Variants in MIPEP observed in about 807,000 individuals in gnomAD.
The protein encoded by MIPEP is mitochondrial intermediate peptidase.
Under a neutral mutation model 90.3 loss-of-function variants are expected in MIPEP, and 79 were observed. The ratio of observed to expected loss-of-function variants is 0.87; its 90% CI spans 0.73 to 1.05. The LOEUF is 1.05. Among genes scored for constraint, MIPEP ranks in the 50% least tolerant of loss-of-function variants. The pLI is 0.00. For synonymous variants in MIPEP, 334 were observed against 315.8 expected (o/e 1.06, Z -0.61); for missense variants, 940 against 905.6 (o/e 1.04, Z -0.49).
chr13:23,791,455 C>G (rs544346000), intron 16 of MIPEP, among the ~76,000 whole-genome samples: 1 of 152,156 alleles, frequency 6.6e-6, no homozygotes, highest in Non-Finnish European at 1.5e-5. Flanking sequence ...GCCCTGCTTC[C>G]GATTGACTGA....
At chr13:23,802,940 G>A (rs1415259608) in intron 16 of MIPEP, among the ~76,000 whole-genome samples, 3 of 152,290 alleles carry the variant, frequency 2.0e-5, no homozygotes, top group African/African-American at 7.2e-5. Context: ...ATGACATTCA[G>A]CAGTGTAGGG....
chr13:23,823,233 G>C (rs760776289), intron 14 of MIPEP, among the ~76,000 whole-genome samples: 19 of 152,248 alleles, frequency 1.2e-4, no homozygotes, highest in Non-Finnish European at 2.5e-4. Context: ...GCATCCTGCT[G>C]TTGCTACTCT....
intron 16 of MIPEP, among the ~76,000 whole-genome samples, chr13:23,781,696 T>C (rs1952783950): frequency 6.6e-6 from 1 of 152,130 alleles, no homozygotes. Flanking sequence ...CAGTGTGCTG[T>C]ATTCAGGAAA....
At chr13:23,751,524 T>C (rs894666552) in intron 18 of MIPEP, among the ~76,000 whole-genome samples, 2 of 152,264 alleles carry the variant, frequency 1.3e-5, no homozygotes, top group East Asian at 3.8e-4. Flanking sequence ...GTATCTCTAC[T>C]TGCATACTGC....
At chr13:23,870,277 CAA>C in intron 5 of MIPEP, 82 bp from the exon 6 acceptor site, 1 of 856,052 alleles carries the variant, frequency 1.2e-6, no homozygotes. Context: ...ATAAATATGT[CAA>C]ATCAACATAT....
chr13:23,740,360 T>C (rs999478775), intron 18 of MIPEP, among the ~76,000 whole-genome samples: 2 of 151,686 alleles, frequency 1.3e-5, no homozygotes, highest in African/African-American at 2.4e-5. Context: ...ACACACCCTC[T>C]CCTCTGCCAA....
At chr13:23,840,513 A>G (rs1593184239) in intron 11 of MIPEP, among the ~76,000 whole-genome samples, 1 of 152,192 alleles carries the variant, frequency 6.6e-6, no homozygotes, top group East Asian at 1.9e-4. Context: ...TCTTTTTATT[A>G]TATCTCAGCA....
intron 9 of MIPEP, among the ~76,000 whole-genome samples, chr13:23,860,812 G>C (rs17339485): frequency 0.11 from 16,276 of 149,154 alleles, 992 homozygotes; most frequent in Non-Finnish European, 0.14. Context: ...AACCAGTTAG[G>C]CAATCCCAGT....
chr13:23,797,529 C>T (rs1246494011), intron 16 of MIPEP, among the ~76,000 whole-genome samples: 1 of 152,164 alleles, frequency 6.6e-6, no homozygotes, highest in Non-Finnish European at 1.5e-5. Context: ...TTTATCACCA[C>T]CTCCCAAACT....
At chr13:23,795,270 GGA>G (rs1427993242) in intron 16 of MIPEP, among the ~76,000 whole-genome samples, 1 of 152,042 alleles carries the variant, frequency 6.6e-6, no homozygotes, top group Admixed American at 6.5e-5. Context: ...TGAATACTCT[GGA>G]GAGAGAGCAG....
At chr13:23,738,016 T>C (rs1952283839) in intron 18 of MIPEP, among the ~76,000 whole-genome samples, 1 of 152,120 alleles carries the variant, frequency 6.6e-6, no homozygotes, top group African/African-American at 2.4e-5. Context: ...CTGAGTATGA[T>C]CCAAATTTAA....
In MIPEP at chr13:23,870,910, G is replaced by A. The variant is rs375123702; in HGVS notation, c.604-715C>T. Among the ~76,000 whole-genome samples, 28 of 152,342 alleles carry A rather than the reference G, an allele frequency of 1.8e-4. No individual in the cohort carries two copies. In the South Asian group the frequency reaches 3.3e-3, roughly 18 times the overall value. ...TCTGATTTTGGGTGTGGTAGCACAC[G>A]CCTGCAGTCCCAGCCCTATGTGGGG... On this transcript the variant is annotated intron_variant, in intron 5 of 18. Transcript: ENST00000382172.
rs540284024 is a variant in MIPEP, at chr13:23,886,309, C to G, written c.363+24G>C. 39 of 1,432,146 alleles carry G rather than the reference C, an allele frequency of 2.7e-5. No homozygotes were observed. In the South Asian group the frequency reaches 6.0e-4, roughly 22 times the overall value. 88.7% of individuals were successfully genotyped at this position (1,432,146 alleles called of 1,614,324 possible). A position where few individuals can be genotyped will look rare whatever the true frequency, so the allele number is the denominator to read the frequency against. Reference sequence around the variant, plus strand: ...TAACAAGTTGAAAGAGAGGTAGCTTCAAGTCTGAGGTAAAGCACCTTACCA... The same window carrying G: ...TAACAAGTTGAAAGAGAGGTAGCTTGAAGTCTGAGGTAAAGCACCTTACCA... On this transcript the variant is annotated intron_variant, in intron 2 of 18. Transcript: ENST00000382172.
intron 16 of MIPEP, among the ~76,000 whole-genome samples, chr13:23,783,060 T>C (rs2137364257): frequency 6.6e-6 from 1 of 152,282 alleles, no homozygotes; most frequent in African/African-American, 2.4e-5. Context: ...CTTCTGAAAC[T>C]ATTCCAATCA....
intron 18 of MIPEP, among the ~76,000 whole-genome samples, chr13:23,747,741 T>TTTGTTG (rs561128885): frequency 6.6e-6 from 1 of 152,078 alleles, no homozygotes; most frequent in Non-Finnish European, 1.5e-5. Context: ...ATCACAACTT[T>TTTGTTG]TTGTTGTTGT....
chr13:23,820,910 CAG>C (rs1953298588), intron 14 of MIPEP, among the ~76,000 whole-genome samples: 2 of 152,282 alleles, frequency 1.3e-5, no homozygotes, highest in South Asian at 4.1e-4. Flanking sequence ...AATGCATTAG[CAG>C]ATCCACAAAA....
At chr13:23,771,362 T>C (rs1300393389) in intron 16 of MIPEP, among the ~76,000 whole-genome samples, 1 of 152,194 alleles carries the variant, frequency 6.6e-6, no homozygotes, top group Non-Finnish European at 1.5e-5. Context: ...AATAAATATT[T>C]ACACAAACAA....
At chr13:23,797,705 G>A (rs944552821) in intron 16 of MIPEP, among the ~76,000 whole-genome samples, 1 of 152,186 alleles carries the variant, frequency 6.6e-6, no homozygotes, top group Non-Finnish European at 1.5e-5. Context: ...GAATGCAAGA[G>A]CCCTACAAAA....
intron 14 of MIPEP, among the ~76,000 whole-genome samples, chr13:23,831,603 A>T (rs1868769137): frequency 6.6e-6 from 1 of 152,156 alleles, no homozygotes; most frequent in African/African-American, 2.4e-5. Flanking sequence ...ATGCATATGT[A>T]AAGAGCAAAA....
Sources: allele counts gnomAD v4.1 joint callset (sites outside exome capture counted in the v4.1 genomes callset), GRCh38; gene constraint gnomAD v4.1.1; transcripts MANE v1.5; gene names NCBI Gene and HGNC (gene_info 2026-07-23, HGNC 2026-07-21).